The following MEX3D variants were observed in gnomAD, a reference collection of about 807,000 sequenced individuals.
MEX3D encodes the protein RNA-binding protein MEX3D.
In MEX3D, 4 loss-of-function variants were observed where a neutral mutation model predicts 6.3. That is an observed-to-expected ratio of 0.64 (90% CI 0.31 to 1.46). The LOEUF is 1.46. Ranked by LOEUF, MEX3D falls within the 40% of genes most tolerant of loss-of-function variation. MEX3D has a pLI of 0.07. For synonymous variants in MEX3D, 626 were observed against 494.1 expected, an observed-to-expected ratio of 1.27 and a Z score of -3.54; for missense variants, 1,038 against 994.4, an observed-to-expected ratio of 1.04 and a Z score of -0.59.
chr19:1,567,808 C>G lies in MEX3D; in HGVS notation c.251G>C (p.Gly84Ala). ...AGDTDEEGAA[G>A]DGAAAAGGAD... ...GCCCCCCGCCGCCGCTGCGCCGTCC[C>G]CGGCCGCCCCCTCCTCGTCCGTGTC... Residue 84 changes from glycine (G) to alanine (A), a missense_variant, in exon 1 of 2, where the codon GGG becomes GCG. This residue lies in a region of MEX3D where 265 missense variants were observed against 206.3 expected (regional missense o/e 1.28). Transcript: ENST00000402693. This position sits in a 1 kb window ranked among gnomAD's most constrained non-coding sequence, Gnocchi z 6.5. The G allele has an allele frequency of 1.0e-6, 1 of 968,700 alleles. No homozygotes were observed. Among genetic ancestry groups the G allele is most frequent in the Non-Finnish European group, 1.2e-6 (1 of 815,988 alleles). The allele number at this position is 968,700 out of a possible 1,614,324, so 60.0% of individuals were successfully genotyped here. A position where few individuals can be genotyped will look rare whatever the true frequency, so the allele number is the denominator to read the frequency against.
At position 1,567,757 on chromosome 19, in the gene MEX3D, G is replaced by A; in HGVS notation, c.302C>T (p.Pro101Leu). ...GGADGGAAPE[P>L]VPPDGPEAGA... ...GGCCTCAGGTCCGTCGGGGGGCACA[G>A]GCTCCGGAGCCGCCCCGCCGTCCGC... is the stretch of plus-strand genomic sequence containing the variant. The change falls in exon 1 of 2, where the codon CCT becomes CTT. Residue 101 changes from proline to leucine, a missense_variant. Physicochemically the swap from Pro to Leu is moderately conservative, Grantham distance 98. Transcript: ENST00000402693. This position sits in a 1 kb window ranked among gnomAD's most constrained non-coding sequence, Gnocchi z 6.5. 1.0e-6 allele frequency: 1 copy of A among 965,784 alleles called. No individual in the cohort carries two copies. The allele number at this position is 965,784 out of a possible 1,614,324, so 59.8% of individuals were successfully genotyped here.
At chr19:1,558,376 G>GAA (rs545203924) in intron 1 of MEX3D, among the ~76,000 whole-genome samples, 1 of 131,544 alleles carries the variant, frequency 7.6e-6, no homozygotes, top group African/African-American at 2.8e-5. Flanking sequence ...AAAAAAGAAG[G>GAA]AAAAAAAAAA....
At chr19:1,557,652 G>A (rs1286737824) in intron 1 of MEX3D, among the ~76,000 whole-genome samples, 7 of 144,174 alleles carry the variant, frequency 4.9e-5, no homozygotes, top group Admixed American at 1.4e-4. Flanking sequence ...CGAGGTCAGG[G>A]GCTCAAGACC....
At chr19:1,560,333 G>C (rs1914685965) in intron 1 of MEX3D, among the ~76,000 whole-genome samples, 1 of 152,264 alleles carries the variant, frequency 6.6e-6, no homozygotes, top group African/African-American at 2.4e-5. Flanking sequence ...TGGGGAAGGA[G>C]GTGCCACCCA....
chr19:1,560,172 C>G (rs541121967), intron 1 of MEX3D, among the ~76,000 whole-genome samples: 1 of 151,920 alleles, frequency 6.6e-6, no homozygotes, highest in Non-Finnish European at 1.5e-5. Context: ...TTCACAGGCC[C>G]GGCTTCACAG....
At chr19:1,560,595 T>C (rs1308817628) in intron 1 of MEX3D, among the ~76,000 whole-genome samples, 3 of 152,018 alleles carry the variant, frequency 2.0e-5, no homozygotes, top group African/African-American at 7.3e-5. Flanking sequence ...ATTTGGGAGA[T>C]GGAGGTGGCA....
rs200001023 is a variant in MEX3D, at chr19:1,555,435, A to AC, written c.*127dup. On this transcript the variant is annotated 3_prime_UTR_variant, in exon 2 of 2. Transcript: ENST00000402693. ...CATCTGTAAACACTGGCCGCCGCCC[A>AC]CCCCCCTGCCCCCTCGGCCTCCGCC... The AC allele has an allele frequency of 0.39, 376,477 of 972,334 alleles. 49,274 individuals carry two copies. The highest frequency in any genetic ancestry group is 0.54 in the African/African-American group (31,010 of 57,090). 60.2% of individuals were successfully genotyped at this position (972,334 alleles called of 1,614,324 possible). A position where few individuals can be genotyped will look rare whatever the true frequency, so the allele number is the denominator to read the frequency against.
intron 1 of MEX3D, among the ~76,000 whole-genome samples, chr19:1,566,360 G>A (rs569097586): frequency 1.0e-3 from 156 of 152,348 alleles, no homozygotes; most frequent in Non-Finnish European, 1.7e-3. Context: ...AGGGCGGAGG[G>A]GAGGGCGCCC....
Position 1,556,462 on chromosome 19 carries a change from C to T in MEX3D, c.1057G>A (p.Asp353Asn), listed in dbSNP as rs766817382. 1 of 1,599,900 alleles carries T rather than the reference C, an allele frequency of 6.3e-7. No homozygotes were observed. Among genetic ancestry groups the T allele is most frequent in the South Asian group, 1.1e-5 (1 of 90,894 alleles). Reference protein sequence around the residue: ...GAFTDAGPDSDFHANGTDVCL... With the variant: ...GAFTDAGPDSNFHANGTDVCL... Reference sequence around the variant, plus strand: ...ACGTCGGTGCCGTTGGCGTGGAAGTCGCTGTCGGGGCCCGCGTCGGTGAAG... The same window carrying T: ...ACGTCGGTGCCGTTGGCGTGGAAGTTGCTGTCGGGGCCCGCGTCGGTGAAG... The change falls in exon 2 of 2, where the codon GAC (aspartate) becomes AAC (asparagine). Residue 353 changes from aspartate (D) to asparagine (N), a missense_variant. Transcript: ENST00000402693. This position sits in a 1 kb window ranked among gnomAD's most constrained non-coding sequence, Gnocchi z 7.5.
intron 1 of MEX3D, among the ~76,000 whole-genome samples, chr19:1,558,706 C>G (rs1201097144): frequency 6.6e-6 from 1 of 152,258 alleles, no homozygotes; most frequent in African/African-American, 2.4e-5. Flanking sequence ...CCTCCCTAGG[C>G]TACCAAGACC....
rs1914528354 is a variant in MEX3D at position 1,555,892 on chromosome 19, A to C, written c.1627T>G (p.Trp543Gly). ...GAPDPVGALS[W>G]RPPQGPVSFP... ...GATACGGGGCCCTGCGGGGGTCGCC[A>C]GGACAGCGCGCCCACCGGGTCCGGG... Residue 543 changes from tryptophan to glycine, a missense_variant, in exon 2 of 2, where the codon TGG becomes GGG. By Grantham distance (184) the Trp-to-Gly change is radical. Around this residue, in one of 5 missense-constraint regions of MEX3D, gnomAD observed 581 missense variants for 516.2 expected, o/e 1.13. Transcript: ENST00000402693. 8.0e-7 allele frequency: 1 copy of C among 1,255,250 alleles called. No homozygotes were observed. The highest frequency in any genetic ancestry group is 1.0e-6 in the Non-Finnish European group (1 of 1,000,280). The allele number at this position is 1,255,250 out of a possible 1,614,324, so 77.8% of individuals were successfully genotyped here.
rs928143503 is a variant in MEX3D, at chr19:1,556,243, C to T, written c.1276G>A (p.Gly426Ser). The T allele has an allele frequency of 8.7e-5, 120 of 1,386,060 alleles. No homozygotes were observed. The highest frequency in any genetic ancestry group is 9.4e-5 in the Non-Finnish European group (101 of 1,072,262). 85.9% of individuals were successfully genotyped at this position (1,386,060 alleles called of 1,614,324 possible). A position where few individuals can be genotyped will look rare whatever the true frequency, so the allele number is the denominator to read the frequency against. Residue 426 changes from glycine (G) to serine (S), a missense_variant, in exon 2 of 2, where the codon GGC (glycine) becomes AGC (serine). Gly to Ser is a moderately conservative substitution (Grantham distance 56). Transcript: ENST00000402693. The surrounding 1 kb of genome is among the most constrained non-coding windows in gnomAD (Gnocchi z 7.5). ...PDPGPASPYSGSGNGGFAFGA... is the reference protein window; with the variant it reads ...PDPGPASPYSSSGNGGFAFGA... ...AAGGCGAAGCCCCCGTTGCCGGAGC[C>T]GCTGTAGGGGCTGGCGGGGCCTGGG... is the stretch of plus-strand genomic sequence containing the variant.
intron 1 of MEX3D, among the ~76,000 whole-genome samples, chr19:1,562,172 A>G (rs1914734687): frequency 6.7e-6 from 1 of 150,372 alleles, no homozygotes; most frequent in Non-Finnish European, 1.5e-5. Context: ...GAGGCAGAAG[A>G]ATGGCGTGAA....
intron 1 of MEX3D, among the ~76,000 whole-genome samples, chr19:1,563,447 C>A (rs908297144): frequency 1.3e-5 from 2 of 152,242 alleles, no homozygotes; most frequent in African/African-American, 4.8e-5. Context: ...CCACAGAACA[C>A]CTTCTGTGTA....
In MEX3D at chr19:1,555,437, C is replaced by T. The variant is rs374392519; in HGVS notation, c.*126G>A. The T allele has an allele frequency of 7.5e-5, 111 of 1,471,960 alleles. 1 individual carries two copies. Among genetic ancestry groups the T allele is most frequent in the Non-Finnish European group, 9.0e-5 (99 of 1,095,632 alleles). 91.2% of individuals were successfully genotyped at this position (1,471,960 alleles called of 1,614,324 possible). ...TCTGTAAACACTGGCCGCCGCCCACCCCCCTGCCCCCTCGGCCTCCGCCCC... is the reference window on the plus strand; with the variant it reads ...TCTGTAAACACTGGCCGCCGCCCACTCCCCTGCCCCCTCGGCCTCCGCCCC... On this transcript the variant is annotated 3_prime_UTR_variant, in exon 2 of 2. Transcript: ENST00000402693.
chr19:1,557,106 C>G (rs1599323279), intron 1 of MEX3D, among the ~76,000 whole-genome samples, 183 bp from the exon 2 acceptor site: 1 of 152,170 alleles, frequency 6.6e-6, no homozygotes, highest in African/African-American at 2.4e-5. Context: ...CCTCTGGGCT[C>G]GAGTTTGGCC....
intron 1 of MEX3D, among the ~76,000 whole-genome samples, chr19:1,561,464 T>C (rs112152429): frequency 2.7e-3 from 415 of 152,188 alleles, no homozygotes; most frequent in African/African-American, 9.2e-3. Flanking sequence ...CCTGGGCCAC[T>C]ATGGAAGCCA....
chr19:1,563,397 C>A (rs1251950774), intron 1 of MEX3D, among the ~76,000 whole-genome samples: 1 of 152,200 alleles, frequency 6.6e-6, no homozygotes, highest in Non-Finnish European at 1.5e-5. Flanking sequence ...CAGTCCAGGC[C>A]CTGCCTTCAA....
At chr19:1,562,972 T>C (rs1275537137) in intron 1 of MEX3D, among the ~76,000 whole-genome samples, 4 of 152,060 alleles carry the variant, frequency 2.6e-5, no homozygotes, top group Non-Finnish European at 5.9e-5. Context: ...GAGCCGAGAC[T>C]GAGCCACTGT....
Sources: gnomAD v4.1 joint callset for allele counts (sites outside exome capture counted in the v4.1 genomes callset) on GRCh38, gnomAD v4.1.1 for gene constraint, gnomAD v4.1.1 regional missense constraint, Gnocchi (gnomAD v3.1) non-coding constraint, MANE v1.5 for transcripts, NCBI Gene and HGNC (gene_info 2026-07-23, HGNC 2026-07-21) for gene names.